The following GABRG3 variants were observed in gnomAD, a reference collection of about 807,000 sequenced individuals.
The protein encoded by GABRG3 is gamma-aminobutyric acid type A receptor subunit gamma3.
Under a neutral mutation model 48.8 loss-of-function variants are expected in GABRG3, and 25 were observed. The ratio of observed to expected loss-of-function variants is 0.51; its 90% CI spans 0.37 to 0.72. The LOEUF is 0.72. Ranked by LOEUF, GABRG3 falls within the 30% of genes least tolerant of loss-of-function variation. The pLI is 0.00. For missense variants in GABRG3, 394 were observed against 577.9 expected, an observed-to-expected ratio of 0.68 and a Z score of 3.26; for synonymous variants, 227 against 217.6, an observed-to-expected ratio of 1.04 and a Z score of -0.38.
Position 27,464,657 on chromosome 15 carries a change from A to G in GABRG3, c.575-15993A>G, listed in dbSNP as rs571709512. 2.6e-5 allele frequency among the ~76,000 whole-genome samples: 4 copies of G among 152,180 alleles called. No homozygotes were observed. In the East Asian group the frequency reaches 7.7e-4, roughly 29 times the overall value. The stretch of plus-strand genomic sequence containing the variant: ...TCCTTGTTAAAATCCTAGCCATCCT[A>G]GCGGGTATGAAGTGATATCTTGTAC... On this transcript the variant is annotated intron_variant, in intron 5 of 9. Transcript: ENST00000615808.
intron 3 of GABRG3, among the ~76,000 whole-genome samples, chr15:27,065,892 C>T (rs1715295976): frequency 1.3e-5 from 2 of 152,166 alleles, no homozygotes; most frequent in East Asian, 1.9e-4. Flanking sequence ...GTGTGGACTT[C>T]GGTTTCCAAA....
At chr15:27,032,139 C>T (rs1407579510) in intron 3 of GABRG3, among the ~76,000 whole-genome samples, 1 of 152,156 alleles carries the variant, frequency 6.6e-6, no homozygotes, top group Admixed American at 6.5e-5. Flanking sequence ...AGTCACTCTT[C>T]ATCTCTGTTC....
At chr15:27,041,908 T>C (rs558939573) in intron 3 of GABRG3, among the ~76,000 whole-genome samples, 1 of 152,228 alleles carries the variant, frequency 6.6e-6, no homozygotes, top group South Asian at 2.1e-4. Flanking sequence ...GTTCTGGTAC[T>C]TGAGGTGGGG....
Position 27,527,479 on chromosome 15 carries a change from G to A in GABRG3, c.912G>A (p.Arg304=), listed in dbSNP as rs747315792. The A allele has an allele frequency of 6.2e-7, 1 of 1,613,942 alleles. No homozygotes were observed. The highest frequency in any genetic ancestry group is 8.5e-7 in the Non-Finnish European group (1 of 1,179,888). ...TGACCACCCTGAGCACCATCGCCAG[G>A]AAGTCCTTGCCACGCGTGTCCTACG... ...LTMTTLSTIA[R]KSLPRVSYVT... is the part of the protein sequence containing the mutation. Residue 304 remains arginine, a synonymous_variant, in exon 8 of 10, where the codon AGG becomes AGA. Transcript: ENST00000615808.
At chr15:27,037,011 A>G (rs1422843811) in intron 3 of GABRG3, among the ~76,000 whole-genome samples, 1 of 152,178 alleles carries the variant, frequency 6.6e-6, no homozygotes, top group Non-Finnish European at 1.5e-5. Flanking sequence ...TCACACACTC[A>G]CAGGGAGAAC....
At chr15:27,006,690 G>T (rs1178810848) in intron 2 of GABRG3, among the ~76,000 whole-genome samples, 1 of 152,016 alleles carries the variant, frequency 6.6e-6, no homozygotes, top group Non-Finnish European at 1.5e-5. Context: ...GGTGTCTGTT[G>T]TTCCTTTCTA....
At chr15:27,331,025 A>G (rs948789337) in intron 5 of GABRG3, among the ~76,000 whole-genome samples, 1 of 152,202 alleles carries the variant, frequency 6.6e-6, no homozygotes, top group Non-Finnish European at 1.5e-5. Context: ...AGATCTTATA[A>G]GAGCAAAAGT....
chr15:27,005,067 T>C (rs965503650), intron 2 of GABRG3, among the ~76,000 whole-genome samples: 2 of 152,212 alleles, frequency 1.3e-5, no homozygotes, highest in Non-Finnish European at 2.9e-5. Context: ...TTCTATTTTA[T>C]TTTTCTGTAA....
intron 7 of GABRG3, among the ~76,000 whole-genome samples, chr15:27,521,155 G>C (rs1414942037): frequency 6.6e-6 from 1 of 152,066 alleles, no homozygotes. Context: ...TGTACAAATT[G>C]AGACTATGAA....
In GABRG3 at chr15:27,174,991, G is replaced by A. The variant is rs1000704458; in HGVS notation, c.270+148170G>A. 5.3e-5 allele frequency among the ~76,000 whole-genome samples: 8 copies of A among 152,192 alleles called. No individual in the cohort carries two copies. In the East Asian group the frequency reaches 9.7e-4, roughly 18 times the overall value. On this transcript the variant is annotated intron_variant, in intron 3 of 9. Transcript: ENST00000615808. ...TTTCTAGAACCTTCCATTGCTCTGA[G>A]CTAGGAAATACATATTGTTTAAAAC... is the stretch of plus-strand genomic sequence containing the variant.
At position 27,539,407 on chromosome 15, in the gene GABRG3, C is replaced by A. The variant is rs1315375506; in HGVS notation, c.*6526C>A. The A allele has an allele frequency of 6.6e-6, 1 of 152,184 alleles. No individual in the cohort carries two copies. Among genetic ancestry groups the A allele is most frequent in the East Asian group, 1.9e-4 (1 of 5,184 alleles). The allele number at this position is 152,184 out of a possible 1,614,324, so 9.4% of individuals were successfully genotyped here. A position where few individuals can be genotyped will look rare whatever the true frequency, so the allele number is the denominator to read the frequency against. On this transcript the variant is annotated 3_prime_UTR_variant, in exon 10 of 10. Coordinates refer to ENST00000615808, the MANE Select transcript of GABRG3 (RefSeq NM_033223.5). ...GCCCACCCACAGCACTTCCTTGGAA[C>A]TCTAAGCTGCTTCTCTAATCTAAGG...
intron 3 of GABRG3, among the ~76,000 whole-genome samples, chr15:27,229,474 T>G (rs935388215): frequency 5.3e-5 from 8 of 149,538 alleles, no homozygotes; most frequent in South Asian, 4.3e-4. Context: ...TGTGTGTGTG[T>G]TGTTGTTTGT....
chr15:27,350,018 A>G (rs1454067136), intron 5 of GABRG3: 4 of 444,196 alleles, frequency 9.0e-6, no homozygotes, highest in South Asian at 3.2e-5. Flanking sequence ...AATAGTAGCC[A>G]AAAGATTACC....
chr15:27,192,902 T>C (rs1462391393), intron 3 of GABRG3, among the ~76,000 whole-genome samples: 1 of 152,210 alleles, frequency 6.6e-6, no homozygotes, highest in African/African-American at 2.4e-5. Flanking sequence ...TTGGTGTGGA[T>C]GTCCTTTCTG....
chr15:27,518,616 T>C (rs1346307199), intron 6 of GABRG3, among the ~76,000 whole-genome samples: 1 of 152,162 alleles, frequency 6.6e-6, no homozygotes, highest in Non-Finnish European at 1.5e-5. Context: ...ATAGGAACTA[T>C]CTAGATGCTG....
chr15:27,475,437 C>T (rs985739761), intron 5 of GABRG3, among the ~76,000 whole-genome samples: 3 of 151,702 alleles, frequency 2.0e-5, no homozygotes, highest in Non-Finnish European at 2.9e-5. Flanking sequence ...TGATGATGAC[C>T]GTGATGATGA....
intron 3 of GABRG3, among the ~76,000 whole-genome samples, chr15:27,038,790 G>A (rs1896223639): frequency 6.6e-6 from 1 of 151,912 alleles, no homozygotes. Context: ...AGTTGGGGAT[G>A]TCAGAGTGAC....
At chr15:27,408,135 C>G (rs1887693103) in intron 5 of GABRG3, among the ~76,000 whole-genome samples, 1 of 152,128 alleles carries the variant, frequency 6.6e-6, no homozygotes, top group Non-Finnish European at 1.5e-5. Context: ...AAAAAAATCA[C>G]AGACTAGTAG....
chr15:27,273,347 T>G (rs1466862780), intron 3 of GABRG3, among the ~76,000 whole-genome samples: 1 of 152,232 alleles, frequency 6.6e-6, no homozygotes, highest in East Asian at 1.9e-4. Context: ...AGTTTATTTT[T>G]ATTATTTCAT....
Sources: gnomAD v4.1 joint callset for allele counts (sites outside exome capture counted in the v4.1 genomes callset) on GRCh38, gnomAD v4.1.1 for gene constraint, MANE v1.5 for transcripts, NCBI Gene and HGNC (gene_info 2026-07-23, HGNC 2026-07-21) for gene names.